Variants in NDFIP2 observed in about 807,000 individuals in gnomAD.
NDFIP2 encodes NEDD4 family-interacting protein 2.
NDFIP2 carries 19 observed loss-of-function variants against 36.0 expected under a neutral mutation model. That is an observed-to-expected ratio of 0.53 (90% CI 0.37 to 0.77). NDFIP2 has a LOEUF of 0.77. Ranked by LOEUF, NDFIP2 falls within the 30% of genes least tolerant of loss-of-function variation. NDFIP2 has a pLI of 0.00. For synonymous variants in NDFIP2, 181 were observed against 167.7 expected (o/e 1.08, Z -0.61); for missense variants, 446 against 435.8 (o/e 1.02, Z -0.21).
Position 79,481,370 on chromosome 13 carries a change from G to A in NDFIP2, c.167G>A (p.Cys56Tyr). 1 of 1,553,558 alleles carries A rather than the reference G, an allele frequency of 6.4e-7. No individual in the cohort carries two copies. Among genetic ancestry groups the A allele is most frequent in the Non-Finnish European group, 8.7e-7 (1 of 1,148,786 alleles). Residue 56 changes from cysteine to tyrosine, a missense_variant, in exon 1 of 8, where the codon TGC becomes TAC. Cys to Tyr is a radical substitution (Grantham distance 194). Coordinates refer to ENST00000218652, the MANE Select transcript of NDFIP2 (RefSeq NM_019080.3). ...SEELPPGDRG[C>Y]RNGGGRGPAA... ...GAGCTTCCGCCGGGAGACCGCGGCT[G>A]CAGGAACGGAGGCGGAAGGGGCCCT...
At chr13:79,542,177 C>T (rs1015553629) in intron 4 of NDFIP2, among the ~76,000 whole-genome samples, 8 of 152,106 alleles carry the variant, frequency 5.3e-5, no homozygotes, top group African/African-American at 1.9e-4. Context: ...ATGTAATGGG[C>T]TCTTATTTGA....
intron 1 of NDFIP2, among the ~76,000 whole-genome samples, chr13:79,501,466 C>CT (rs1328940792): frequency 6.6e-6 from 1 of 151,904 alleles, no homozygotes; most frequent in African/African-American, 2.4e-5. Flanking sequence ...ATCTAAATCT[C>CT]TAAGAAGTGA....
At chr13:79,530,600 T>G (rs1015547455) in intron 2 of NDFIP2, among the ~76,000 whole-genome samples, 4 of 152,226 alleles carry the variant, frequency 2.6e-5, no homozygotes, top group African/African-American at 9.6e-5. Context: ...CAGTTAAACT[T>G]ATGTAATCTA....
chr13:79,502,921 G>C (rs2140746409), intron 1 of NDFIP2, among the ~76,000 whole-genome samples: 1 of 150,966 alleles, frequency 6.6e-6, no homozygotes, highest in Admixed American at 6.6e-5. Flanking sequence ...AGTATGGTGT[G>C]AATAGAATAT....
chr13:79,485,457 A>C (rs1473366343), intron 1 of NDFIP2, among the ~76,000 whole-genome samples: 2 of 152,198 alleles, frequency 1.3e-5, no homozygotes, highest in African/African-American at 4.8e-5. Flanking sequence ...ATAATGTATA[A>C]TGAGTTTTAG....
Position 79,554,195 on chromosome 13 carries a change from CT to C in NDFIP2, c.*1684del, listed in dbSNP as rs1262753599. ...GTATTAAAGTACCTGTGTTACACCC[CT>C]TGAAGTAAGACAGTAGCATGGGGTA... On this transcript the variant is annotated 3_prime_UTR_variant, in exon 8 of 8. Coordinates refer to ENST00000218652, the MANE Select transcript of NDFIP2 (RefSeq NM_019080.3). The C allele has an allele frequency of 6.6e-6, 1 of 151,540 alleles. No individual in the cohort carries two copies. Among genetic ancestry groups the C allele is most frequent in the Non-Finnish European group, 1.5e-5 (1 of 67,636 alleles). 9.4% of individuals were successfully genotyped at this position (151,540 alleles called of 1,614,324 possible).
At chr13:79,493,440 G>A (rs1333529124) in intron 1 of NDFIP2, among the ~76,000 whole-genome samples, 1 of 152,106 alleles carries the variant, frequency 6.6e-6, no homozygotes, top group Non-Finnish European at 1.5e-5. Flanking sequence ...AATTCCTCTT[G>A]TAACCAGTGG....
At chr13:79,498,357 A>G (rs980439485) in intron 1 of NDFIP2, among the ~76,000 whole-genome samples, 5 of 151,980 alleles carry the variant, frequency 3.3e-5, no homozygotes, top group African/African-American at 9.7e-5. Flanking sequence ...CATTATAATG[A>G]TCATTATAAC....
chr13:79,518,618 A>G (rs1874441997), intron 1 of NDFIP2, among the ~76,000 whole-genome samples: 1 of 152,226 alleles, frequency 6.6e-6, no homozygotes, highest in South Asian at 2.1e-4. Context: ...AAGAAGTGGG[A>G]GAATAGTATT....
chr13:79,524,737 C>T (rs1408244031), intron 2 of NDFIP2, among the ~76,000 whole-genome samples: 2 of 152,202 alleles, frequency 1.3e-5, no homozygotes, highest in African/African-American at 2.4e-5. Flanking sequence ...CCCATACTTT[C>T]TAATTATGTT....
chr13:79,503,706 G>A (rs1873754015), intron 1 of NDFIP2, among the ~76,000 whole-genome samples: 1 of 152,146 alleles, frequency 6.6e-6, no homozygotes, highest in Admixed American at 6.6e-5. Flanking sequence ...TGAGGTGTTA[G>A]GATGGTTTAG....
At chr13:79,515,436 ACATTAATATTTATTT>A (rs1874258489) in intron 1 of NDFIP2, among the ~76,000 whole-genome samples, 1 of 152,234 alleles carries the variant, frequency 6.6e-6, no homozygotes, top group African/African-American at 2.4e-5. Flanking sequence ...TGCAGCTTTT[ACATTAATATTTATTT>A]TCAGCTTATA....
intron 1 of NDFIP2, among the ~76,000 whole-genome samples, chr13:79,503,999 A>AT (rs1268190747): frequency 2.0e-5 from 3 of 152,150 alleles, no homozygotes; most frequent in African/African-American, 7.2e-5. Context: ...GCTTTGAGGG[A>AT]TGTAGTGCCA....
chr13:79,497,660 G>GTT (rs1282594237), intron 1 of NDFIP2, among the ~76,000 whole-genome samples: 2,973 of 126,696 alleles, frequency 0.023, 40 homozygotes, highest in African/African-American at 0.027. Flanking sequence ...AGATTTCTGA[G>GTT]TTTTTTTTTT....
intron 6 of NDFIP2, 34 bp from the exon 7 acceptor site, chr13:79,550,983 A>G: frequency 1.6e-6 from 2 of 1,278,238 alleles, no homozygotes; most frequent in Non-Finnish European, 2.2e-6. Context: ...CTGTATAAAA[A>G]CATAGTATAT....
intron 5 of NDFIP2, among the ~76,000 whole-genome samples, 158 bp from the exon 6 acceptor site, chr13:79,548,170 G>A (rs1226740982): frequency 1.3e-5 from 2 of 151,756 alleles, no homozygotes; most frequent in African/African-American, 4.8e-5. Flanking sequence ...TTATATATGT[G>A]TATGCTGTGT....
intron 2 of NDFIP2, among the ~76,000 whole-genome samples, chr13:79,532,812 A>G (rs560565541): frequency 7.2e-5 from 11 of 152,324 alleles, no homozygotes; most frequent in African/African-American, 2.6e-4. Flanking sequence ...TGTGTCTGCC[A>G]CTTAAATGTT....
chr13:79,523,214 GTTTGTT>G (rs1317247536), intron 2 of NDFIP2, among the ~76,000 whole-genome samples: 1 of 151,990 alleles, frequency 6.6e-6, no homozygotes, highest in South Asian at 2.1e-4. Flanking sequence ...ACTGTTGTTT[GTTTGTT>G]TTTGTTTTTG....
At chr13:79,482,125 C>T (rs1243826777) in intron 1 of NDFIP2, among the ~76,000 whole-genome samples, 3 of 142,646 alleles carry the variant, frequency 2.1e-5, no homozygotes, top group Admixed American at 1.4e-4. Flanking sequence ...TTAAAAATGA[C>T]TGTATTTTTT....
Sources: gnomAD v4.1 joint callset for allele counts (sites outside exome capture counted in the v4.1 genomes callset) on GRCh38, gnomAD v4.1.1 for gene constraint, MANE v1.5 for transcripts, NCBI Gene and HGNC (gene_info 2026-07-23, HGNC 2026-07-21) for gene names.